MYO3B: variants seen among roughly 807,000 people sequenced by gnomAD.
MYO3B encodes myosin IIIB, also known as myosin-IIIb.
Under a neutral mutation model 174.6 loss-of-function variants are expected in MYO3B, and 156 were observed. That is an observed-to-expected ratio of 0.89 (90% CI 0.78 to 1.02). MYO3B has a LOEUF of 1.02. Ranked by LOEUF, MYO3B falls within the 50% of genes least tolerant of loss-of-function variation. MYO3B has a pLI of 0.00. For missense variants in MYO3B, 1,632 were observed against 1,639.4 expected (o/e 1.00, Z 0.08); for synonymous variants, 563 against 569.1 (o/e 0.99, Z 0.15).
At chr2:170,233,869 T>G (rs2093038770) in intron 6 of MYO3B, among the ~76,000 whole-genome samples, 1 of 152,342 alleles carries the variant, frequency 6.6e-6, no homozygotes, top group East Asian at 1.9e-4. Flanking sequence ...ACAAACTTAG[T>G]GGCTTAAAAC....
intron 7 of MYO3B, among the ~76,000 whole-genome samples, chr2:170,277,827 A>G (rs898683542): frequency 5.3e-5 from 8 of 152,358 alleles, no homozygotes; most frequent in African/African-American, 1.9e-4. Context: ...CATGTAAAAT[A>G]CATACATATG....
intron 25 of MYO3B, among the ~76,000 whole-genome samples, chr2:170,472,676 T>TC (rs57858376): frequency 0.011 from 1,310 of 117,178 alleles, 8 homozygotes; most frequent in Admixed American, 0.016. Context: ...TTTTTATCTA[T>TC]TTATTTATTT....
intron 8 of MYO3B, among the ~76,000 whole-genome samples, chr2:170,352,585 C>G (rs1481509401): frequency 6.6e-6 from 1 of 152,128 alleles, no homozygotes; most frequent in Non-Finnish European, 1.5e-5. Context: ...TTTAAACTGG[C>G]TGGTTGCGGA....
At chr2:170,367,049 T>C (rs1305779203) in intron 8 of MYO3B, among the ~76,000 whole-genome samples, 1 of 152,180 alleles carries the variant, frequency 6.6e-6, no homozygotes, top group Non-Finnish European at 1.5e-5. Context: ...CCAGCTCACT[T>C]TCCCCTTCAC....
intron 8 of MYO3B, chr2:170,345,092 G>C (rs1247527269): frequency 6.6e-6 from 1 of 152,212 alleles, no homozygotes; most frequent in Non-Finnish European, 1.5e-5. Flanking sequence ...TGCTTCCACT[G>C]TGGCGCTTCC....
chr2:170,369,732 C>T (rs2094226282), intron 9 of MYO3B, among the ~76,000 whole-genome samples: 1 of 150,728 alleles, frequency 6.6e-6, no homozygotes, highest in Non-Finnish European at 1.5e-5. Flanking sequence ...ATGAAAGCAA[C>T]CATGGCTGAC....
intron 32 of MYO3B, among the ~76,000 whole-genome samples, chr2:170,608,335 C>G (rs1168547029): frequency 6.6e-6 from 1 of 152,194 alleles, no homozygotes; most frequent in Non-Finnish European, 1.5e-5. Context: ...GTGCCACAGA[C>G]TTCTGAGTAC....
At chr2:170,601,597 G>T in intron 32 of MYO3B, 1 of 1,146,880 alleles carries the variant, frequency 8.7e-7, no homozygotes. Context: ...AAAAAAACTA[G>T]GCTAGAACCA....
At chr2:170,547,246 C>T (rs1188113349) in intron 32 of MYO3B, among the ~76,000 whole-genome samples, 2 of 150,670 alleles carry the variant, frequency 1.3e-5, no homozygotes, top group African/African-American at 4.9e-5. Flanking sequence ...GGGAGAATGG[C>T]GTGAACCTGG....
At chr2:170,531,884 C>A (rs1376461310) in intron 30 of MYO3B, among the ~76,000 whole-genome samples, 3 of 152,166 alleles carry the variant, frequency 2.0e-5, no homozygotes, top group Admixed American at 1.3e-4. Flanking sequence ...AGAAAATCAT[C>A]ATTTGGCAAC....
chr2:170,384,839 A>G (rs1303718012), intron 12 of MYO3B, among the ~76,000 whole-genome samples: 2 of 152,164 alleles, frequency 1.3e-5, no homozygotes, highest in Non-Finnish European at 2.9e-5. Context: ...TTCTGACACT[A>G]CCTGGAGTTA....
At chr2:170,529,009 A>G (rs564500488) in intron 30 of MYO3B, among the ~76,000 whole-genome samples, 1 of 152,334 alleles carries the variant, frequency 6.6e-6, no homozygotes, top group South Asian at 2.1e-4. Flanking sequence ...AACTTCATCT[A>G]AAACTGAATC....
chr2:170,470,645 G>A (rs1684929260), intron 25 of MYO3B, among the ~76,000 whole-genome samples: 1 of 152,044 alleles, frequency 6.6e-6, no homozygotes, highest in African/African-American at 2.4e-5. Context: ...TTGGTCATAT[G>A]GTAACCCTCT....
rs533556131 is a variant in MYO3B at position 170,381,160 on chromosome 2, A to G, written c.972-856A>G. ...AAATAAATAAAATTTTAAAAACAAC[A>G]ACCCCCCCCATCGGACTGAGTAAAT... On this transcript the variant is annotated intron_variant, in intron 9 of 34. Coordinates refer to ENST00000408978, the MANE Select transcript of MYO3B (RefSeq NM_138995.5). 3.3e-5 allele frequency among the ~76,000 whole-genome samples: 5 copies of G among 151,746 alleles called. 1 individual carries two copies. The South Asian group carries it at 8.3e-4, about 25-fold the overall frequency.
chr2:170,218,533 T>C (rs1198495390), intron 6 of MYO3B, among the ~76,000 whole-genome samples: 2 of 152,230 alleles, frequency 1.3e-5, no homozygotes, highest in Admixed American at 1.3e-4. Flanking sequence ...AGTGTGCTTA[T>C]GTTTCAGGAC....
chr2:170,509,642 G>A (rs146831349), intron 28 of MYO3B, among the ~76,000 whole-genome samples: 1 of 152,292 alleles, frequency 6.6e-6, no homozygotes, highest in Non-Finnish European at 1.5e-5. Flanking sequence ...TTTTCAGGAA[G>A]CTCAAAATTG....
chr2:170,217,377 G>A lies in MYO3B; in HGVS notation c.585G>A (p.Pro195=), dbSNP rs2161916. The A allele has an allele frequency of 0.55, 894,878 of 1,612,708 alleles. 250,191 individuals are homozygous for A. Among genetic ancestry groups the A allele is most frequent in the South Asian group, 0.62 (56,899 of 91,050 alleles). ...GGAGAAACACATCTGTTGGCACCCCGTTCTGGATGGCCCCTGAGGTAAGCT... is the reference window on the plus strand; with the variant it reads ...GGAGAAACACATCTGTTGGCACCCCATTCTGGATGGCCCCTGAGGTAAGCT... ...RLRRNTSVGT[P]FWMAPEVIAC... is the part of the protein sequence containing the mutation. Residue 195 remains proline, a synonymous_variant, in exon 6 of 35, where the codon CCG becomes CCA. Coordinates refer to ENST00000408978, the MANE Select transcript of MYO3B (RefSeq NM_138995.5).
chr2:170,222,802 A>G (rs1165281684), intron 6 of MYO3B, among the ~76,000 whole-genome samples: 1 of 152,174 alleles, frequency 6.6e-6, no homozygotes, highest in Non-Finnish European at 1.5e-5. Flanking sequence ...ACAAGCTCCC[A>G]AATACTAATA....
intron 32 of MYO3B, among the ~76,000 whole-genome samples, chr2:170,545,600 A>G (rs2106210721): frequency 6.6e-6 from 1 of 152,362 alleles, no homozygotes; most frequent in Admixed American, 6.5e-5. Context: ...TTAAAAAGAA[A>G]AGAGACTTGT....
Sources: gnomAD v4.1 joint callset for allele counts (sites outside exome capture counted in the v4.1 genomes callset) on GRCh38, gnomAD v4.1.1 for gene constraint, MANE v1.5 for transcripts, NCBI Gene and HGNC (gene_info 2026-07-23, HGNC 2026-07-21) for gene names.